Variants in ARAP2 observed in about 807,000 individuals in gnomAD.
ARAP2 encodes arf-GAP with Rho-GAP domain, ANK repeat and PH domain-containing protein 2.
Under a neutral mutation model 194.5 loss-of-function variants are expected in ARAP2, and 148 were observed. The observed-to-expected ratio is 0.76, with a 90% CI of 0.67 to 0.87. The LOEUF (loss-of-function observed/expected upper bound fraction) is 0.87. Among genes scored for constraint, ARAP2 ranks in the 40% least tolerant of loss-of-function variants. ARAP2 has a pLI of 0.00. For missense variants in ARAP2, 2,128 were observed against 1,989.7 expected (o/e 1.07, Z -1.32); for synonymous variants, 695 against 683.5 (o/e 1.02, Z -0.26).
At chr4:36,213,813 G>A (rs180783818) in intron 3 of ARAP2, among the ~76,000 whole-genome samples, 2 of 152,112 alleles carry the variant, frequency 1.3e-5, no homozygotes, top group Admixed American at 1.3e-4. Context: ...TAATGCCATA[G>A]CTACTAATGC....
intron 8 of ARAP2, among the ~76,000 whole-genome samples, chr4:36,179,676 TGAA>T (rs1674757576): frequency 6.6e-6 from 1 of 152,184 alleles, no homozygotes; most frequent in Admixed American, 6.5e-5. Flanking sequence ...TTTCACAGGA[TGAA>T]GGAGGAAGAG....
intron 21 of ARAP2, among the ~76,000 whole-genome samples, chr4:36,127,900 T>C (rs1300692435): frequency 6.6e-6 from 1 of 151,972 alleles, no homozygotes; most frequent in Non-Finnish European, 1.5e-5. Context: ...TTTGTTATTG[T>C]AATGTTTCAA....
At chr4:36,113,325 A>G (rs896534062) in intron 26 of ARAP2, among the ~76,000 whole-genome samples, 5 of 152,102 alleles carry the variant, frequency 3.3e-5, no homozygotes, top group East Asian at 1.9e-4. Context: ...ACATTGAAAC[A>G]TTTTAAATTT....
intron 27 of ARAP2, among the ~76,000 whole-genome samples, chr4:36,096,151 G>A (rs1174842072): frequency 3.3e-5 from 5 of 151,860 alleles, no homozygotes; most frequent in African/African-American, 1.2e-4. Flanking sequence ...ATCATCTGAG[G>A]TCAAGAGCTT....
At chr4:36,214,297 T>C (rs971642046) in intron 3 of ARAP2, 125 bp downstream of exon 3, 2 of 600,788 alleles carry the variant, frequency 3.3e-6, no homozygotes, top group African/African-American at 1.9e-5. Context: ...CTATGAACAC[T>C]GGCAGACAGT....
chr4:36,059,626 A>G (rs959859686), intron 1 of ARAP2, among the ~76,000 whole-genome samples: 1 of 152,202 alleles, frequency 6.6e-6, no homozygotes, highest in Non-Finnish European at 1.5e-5. Context: ...CAGAAGATAT[A>G]CTATATGCAA....
intron 5 of ARAP2, among the ~76,000 whole-genome samples, chr4:36,039,426 T>C (rs1720464145): frequency 2.0e-5 from 3 of 152,208 alleles, no homozygotes; most frequent in Non-Finnish European, 4.4e-5. Context: ...GTAATTGGCA[T>C]GTTCCTGCTT....
rs1754187541 is a variant in ARAP2 at position 36,244,226 on chromosome 4, G to A, written c.-207C>T. On this transcript the variant is annotated 5_prime_UTR_variant, in exon 1 of 33. Coordinates refer to ENST00000303965, the MANE Select transcript of ARAP2 (RefSeq NM_015230.4). ...CGAAAAGCGAGGTGAGGCGGCGCTG[G>A]GAAGCTCAGCGCCGGCGTCTCTCCC... 1 of 152,072 alleles carries A rather than the reference G, an allele frequency of 6.6e-6. No individual in the cohort carries two copies. The highest frequency in any genetic ancestry group is 2.1e-4 in the South Asian group (1 of 4,822). 9.4% of individuals were successfully genotyped at this position (152,072 alleles called of 1,614,324 possible).
At chr4:36,112,431 A>C (rs535507894) in intron 26 of ARAP2, among the ~76,000 whole-genome samples, 6 of 152,000 alleles carry the variant, frequency 3.9e-5, no homozygotes, top group Non-Finnish European at 8.8e-5. Context: ...CAATGAGGAA[A>C]TAAAGGGTTT....
chr4:36,007,409 GGAA>G (rs1231185310), intron 9 of ARAP2, among the ~76,000 whole-genome samples: 1 of 152,204 alleles, frequency 6.6e-6, no homozygotes, highest in East Asian at 1.9e-4. Context: ...AGAGAGAGAA[GGAA>G]GAAGAAAGTT....
At chr4:36,014,316 A>AAGAGAG (rs879800341) in intron 8 of ARAP2, among the ~76,000 whole-genome samples, 3 of 106,416 alleles carry the variant, frequency 2.8e-5, no homozygotes, top group African/African-American at 1.2e-4. Context: ...GAAGGAAAGA[A>AAGAGAG]AGAAAGAGAG....
At chr4:36,146,677 C>CA (rs1729698167) in intron 19 of ARAP2, among the ~76,000 whole-genome samples, 1 of 152,072 alleles carries the variant, frequency 6.6e-6, no homozygotes, top group African/African-American at 2.4e-5. Context: ...GATACTATCC[C>CA]ATCAGACTAT....
chr4:36,184,617 C>T (rs752145514), intron 8 of ARAP2, among the ~76,000 whole-genome samples: 1 of 152,098 alleles, frequency 6.6e-6, no homozygotes, highest in African/African-American at 2.4e-5. Flanking sequence ...TTAAATAAAA[C>T]GTGTCTGTTT....
chr4:36,175,099 AAAGT>A (rs150972244), intron 9 of ARAP2, among the ~76,000 whole-genome samples: 280 of 152,354 alleles, frequency 1.8e-3, no homozygotes, highest in African/African-American at 6.5e-3. Flanking sequence ...TTTTAAAATA[AAAGT>A]AAGCCTTGTT....
intron 31 of ARAP2, among the ~76,000 whole-genome samples, chr4:36,079,044 C>T (rs1030115250): frequency 2.0e-5 from 3 of 151,730 alleles, no homozygotes; most frequent in Admixed American, 2.0e-4. Context: ...CACGGTGGTG[C>T]ACGCCTGTAA....
intron 9 of ARAP2, among the ~76,000 whole-genome samples, chr4:36,171,197 G>A (rs113133618): frequency 2.6e-4 from 39 of 152,276 alleles, no homozygotes; most frequent in African/African-American, 9.1e-4. Flanking sequence ...TATAAATCAT[G>A]CTGCTATAAA....
At chr4:36,145,600 C>T (rs145469886) in intron 19 of ARAP2, among the ~76,000 whole-genome samples, 141 of 151,970 alleles carry the variant, frequency 9.3e-4, no homozygotes, top group Admixed American at 2.1e-3. Flanking sequence ...GTGATGGGCT[C>T]AATAGAATCC....
chr4:36,200,348 T>G (rs1482002268), intron 6 of ARAP2, among the ~76,000 whole-genome samples: 6 of 151,970 alleles, frequency 3.9e-5, no homozygotes, highest in African/African-American at 1.2e-4. Flanking sequence ...CTCCACCTCC[T>G]AGGTTCAAGC....
downstream of ARAP2, among the ~76,000 whole-genome samples, chr4:36,062,274 G>C (rs539834810): frequency 6.6e-6 from 1 of 152,224 alleles, no homozygotes; most frequent in South Asian, 2.1e-4. Context: ...GCTGCTAGGG[G>C]GTTGGGGAGG....
Sources: gnomAD v4.1 joint callset for allele counts (sites outside exome capture counted in the v4.1 genomes callset) on GRCh38, gnomAD v4.1.1 for gene constraint, MANE v1.5 for transcripts, NCBI Gene and HGNC (gene_info 2026-07-23, HGNC 2026-07-21) for gene names.